Variants in SLC39A9 observed in about 807,000 individuals in gnomAD.
SLC39A9 encodes zinc transporter ZIP9.
SLC39A9 carries 14 observed loss-of-function variants against 28.4 expected under a neutral mutation model. That is an observed-to-expected ratio of 0.49 (90% CI 0.33 to 0.77). SLC39A9 has a LOEUF of 0.77. Ranked by LOEUF, SLC39A9 falls within the 30% of genes least tolerant of loss-of-function variation. SLC39A9 has a pLI of 0.02. For missense variants in SLC39A9, 283 were observed against 381.1 expected (o/e 0.74, Z 2.14); for synonymous variants, 119 against 149.6 (o/e 0.80, Z 1.49).
intron 1 of SLC39A9, among the ~76,000 whole-genome samples, chr14:69,414,042 T>G (rs1266281770): frequency 1.3e-5 from 2 of 151,054 alleles, no homozygotes; most frequent in East Asian, 3.9e-4. Context: ...CTGTTTATAT[T>G]TCATATTCTT....
In SLC39A9 at chr14:69,459,057, TA is replaced by T; in HGVS notation, c.*465del. 2.0e-6 allele frequency: 2 copies of T among 988,374 alleles called. No individual in the cohort carries two copies. Among genetic ancestry groups the T allele is most frequent in the Non-Finnish European group, 2.4e-6 (2 of 831,376 alleles). 61.2% of individuals were successfully genotyped at this position (988,374 alleles called of 1,614,324 possible). ...CATGTAAGACTGGTGCTTTAGCATCTATGCCACATGCGTTGATGGAAGGTCA... is the reference window on the plus strand; with the variant it reads ...CATGTAAGACTGGTGCTTTAGCATCTTGCCACATGCGTTGATGGAAGGTCA... On this transcript the variant is annotated 3_prime_UTR_variant, in exon 7 of 7. Transcript: ENST00000336643.
intron 1 of SLC39A9, among the ~76,000 whole-genome samples, chr14:69,415,529 A>G (rs1361269533): frequency 6.6e-6 from 1 of 152,138 alleles, no homozygotes; most frequent in Non-Finnish European, 1.5e-5. Context: ...ATCCTTTGTC[A>G]GCGTCATGGA....
Position 69,453,289 on chromosome 14 carries a change from G to C in SLC39A9, c.452G>C (p.Gly151Ala). Residue 151 changes from glycine (G) to alanine (A), a missense_variant, in exon 4 of 7, where the codon GGT (glycine) becomes GCT (alanine). Coordinates refer to ENST00000336643, the MANE Select transcript of SLC39A9 (RefSeq NM_018375.5). ...AATTCCAAAATCACCACCACGCTGG[G>C]TCTGGTTGTCCATGCTGCAGGTAGG... The part of the protein sequence containing the change: ...SSNSKITTTL[G>A]LVVHAAADGV... The C allele has an allele frequency of 6.2e-7, 1 of 1,614,004 alleles. No homozygotes were observed. The highest frequency in any genetic ancestry group is 1.1e-5 in the South Asian group (1 of 91,080).
Position 69,461,131 on chromosome 14 carries a change from C to G in SLC39A9, c.*2538C>G, listed in dbSNP as rs1886093903. ...AATACTTAAGTTGCTGCCATGATTA[C>G]AGATGGAATTATTGGCTACCAAAGA... On this transcript the variant is annotated 3_prime_UTR_variant, in exon 7 of 7. Coordinates refer to ENST00000336643, the MANE Select transcript of SLC39A9 (RefSeq NM_018375.5). The G allele has an allele frequency of 1.0e-6, 1 of 986,738 alleles. No homozygotes were observed. The highest frequency in any genetic ancestry group is 1.2e-6 in the Non-Finnish European group (1 of 830,942). The allele number at this position is 986,738 out of a possible 1,614,324, so 61.1% of individuals were successfully genotyped here. A position where few individuals can be genotyped will look rare whatever the true frequency, so the allele number is the denominator to read the frequency against.
intron 1 of SLC39A9, among the ~76,000 whole-genome samples, chr14:69,422,542 T>G (rs1417543835): frequency 1.3e-5 from 2 of 152,202 alleles, no homozygotes; most frequent in Non-Finnish European, 2.9e-5. Flanking sequence ...CCCAAGCAGC[T>G]GAGACTACAG....
intron 3 of SLC39A9, among the ~76,000 whole-genome samples, chr14:69,452,785 G>A (rs1885674939): frequency 6.6e-6 from 1 of 152,190 alleles, no homozygotes; most frequent in Admixed American, 6.5e-5. Flanking sequence ...ATGTTAGAAT[G>A]AAGATAAAGT....
intron 1 of SLC39A9, among the ~76,000 whole-genome samples, chr14:69,400,374 G>T (rs186840549): frequency 1.1e-4 from 16 of 152,304 alleles, no homozygotes; most frequent in Admixed American, 9.2e-4. Context: ...GTTAAGCGAG[G>T]GTCCCGGGAA....
At chr14:69,448,242 A>G (rs1166634914) in intron 3 of SLC39A9, among the ~76,000 whole-genome samples, 1 of 151,628 alleles carries the variant, frequency 6.6e-6, no homozygotes, top group Non-Finnish European at 1.5e-5. Flanking sequence ...AAGCACAAAA[A>G]AAAATTAAAC....
intron 1 of SLC39A9, among the ~76,000 whole-genome samples, chr14:69,423,310 T>C (rs181730707): frequency 6.6e-6 from 1 of 152,332 alleles, no homozygotes; most frequent in Admixed American, 6.5e-5. Flanking sequence ...TGTGGTACTC[T>C]GATGAAATTT....
In SLC39A9 at chr14:69,413,973, T is replaced by C. The variant is rs193044956; in HGVS notation, c.97-10121T>C. Among the ~76,000 whole-genome samples, 311 of 152,204 alleles carry C rather than the reference T, an allele frequency of 2.0e-3. 1 individual carries two copies. Among genetic ancestry groups the C allele is most frequent in the Non-Finnish European group, 3.4e-3 (231 of 68,012 alleles). ...AGCTAATATCCCTATTTTTAAAACA[T>C]GGGTCTAAAGATTAATAAAAACCTT... On this transcript the variant is annotated intron_variant, in intron 1 of 6. Transcript: ENST00000336643.
intron 4 of SLC39A9, 171 bp from the exon 5 acceptor site, chr14:69,454,634 ACCCTAAG>A (rs1267602831): frequency 2.1e-6 from 1 of 476,294 alleles, no homozygotes. Flanking sequence ...CCTCATGAAA[ACCCTAAG>A]AAATACATAC....
At chr14:69,420,722 T>G (rs1883837415) in intron 1 of SLC39A9, among the ~76,000 whole-genome samples, 1 of 152,210 alleles carries the variant, frequency 6.6e-6, no homozygotes, top group Non-Finnish European at 1.5e-5. Flanking sequence ...TTCTCTAAAC[T>G]TCTCACTTCA....
At chr14:69,453,695 T>C (rs1885725538) in intron 4 of SLC39A9, among the ~76,000 whole-genome samples, 2 of 152,148 alleles carry the variant, frequency 1.3e-5, no homozygotes, top group African/African-American at 4.8e-5. Context: ...TAGGTTTGTT[T>C]GAGTGATGAA....
Position 69,460,040 on chromosome 14 carries a change from T to C in SLC39A9, c.*1447T>C. ...AAAAGTGTTTAACAGACTAGGATAA[T>C]TTTTTTTTCATATTTGCCAAAATTT... On this transcript the variant is annotated 3_prime_UTR_variant, in exon 7 of 7. Coordinates refer to ENST00000336643, the MANE Select transcript of SLC39A9 (RefSeq NM_018375.5). The C allele has an allele frequency of 1.0e-6, 1 of 976,930 alleles. No individual in the cohort carries two copies. Among genetic ancestry groups the C allele is most frequent in the Admixed American group, 6.2e-5 (1 of 16,206 alleles). The allele number at this position is 976,930 out of a possible 1,614,324, so 60.5% of individuals were successfully genotyped here. A position where few individuals can be genotyped will look rare whatever the true frequency, so the allele number is the denominator to read the frequency against.
In SLC39A9 at chr14:69,455,693, C is replaced by T. The variant is rs371998589; in HGVS notation, c.559-39C>T. ...CTTCTTGATGTAGAAGCAACCCATA[C>T]TTCTAGAATGATAATAAGAGATGAT... On this transcript the variant is annotated intron_variant, in intron 5 of 6. Coordinates refer to ENST00000336643, the MANE Select transcript of SLC39A9 (RefSeq NM_018375.5). 1.7e-5 allele frequency: 27 copies of T among 1,612,808 alleles called. No homozygotes were observed. The African/African-American group carries it at 2.7e-4, about 16-fold the overall frequency.
intron 1 of SLC39A9, among the ~76,000 whole-genome samples, chr14:69,403,303 C>G (rs2140243933): frequency 6.6e-6 from 1 of 152,200 alleles, no homozygotes; most frequent in African/African-American, 2.4e-5. Context: ...AGTATAAACT[C>G]AGTGCTGCTG....
rs2140239324 is a variant in SLC39A9, at chr14:69,399,866, G to A, written c.96+401G>A. On this transcript the variant is annotated intron_variant, in intron 1 of 6. Transcript: ENST00000336643. Reference sequence around the variant, plus strand: ...GCGGTGGCTCACGCCTGTAATCTCAGCACTTTGGGAGGCTGAGGTGGAAGG... The same window carrying A: ...GCGGTGGCTCACGCCTGTAATCTCAACACTTTGGGAGGCTGAGGTGGAAGG... Among the ~76,000 whole-genome samples, 2 of 152,298 alleles carry A rather than the reference G, an allele frequency of 1.3e-5. 1 individual carries two copies. Among genetic ancestry groups the A allele is most frequent in the South Asian group, 4.2e-4 (2 of 4,816 alleles).
In SLC39A9 at chr14:69,453,236, T is replaced by C. The variant is rs768004238; in HGVS notation, c.404-5T>C. The C allele has an allele frequency of 6.2e-7, 1 of 1,613,188 alleles. No individual in the cohort carries two copies. The highest frequency in any genetic ancestry group is 2.2e-5 in the East Asian group (1 of 44,876). The stretch of plus-strand genomic sequence containing the variant: ...TTAACGCTGTCTTTCTCATTTTCAC[T>C]TTAGATCCAGAAGCAGCAAGGTCTA... On this transcript the variant is annotated splice_region_variant and splice_polypyrimidine_tract_variant and intron_variant, in intron 3 of 6. Transcript: ENST00000336643.
At chr14:69,424,571 A>G (rs1409180742) in intron 2 of SLC39A9, among the ~76,000 whole-genome samples, 1 of 152,082 alleles carries the variant, frequency 6.6e-6, no homozygotes. Flanking sequence ...AGGACCCTTT[A>G]CAGTAAACTT....
Sources: gnomAD v4.1 joint callset for allele counts (sites outside exome capture counted in the v4.1 genomes callset) on GRCh38, gnomAD v4.1.1 for gene constraint, MANE v1.5 for transcripts, NCBI Gene and HGNC (gene_info 2026-07-23, HGNC 2026-07-21) for gene names.